LIPI: variants seen among roughly 807,000 people sequenced by gnomAD.
LIPI encodes lipase member I.
LIPI carries 59 observed loss-of-function variants against 50.6 expected under a neutral mutation model. The observed-to-expected ratio is 1.16, with a 90% CI of 0.94 to 1.45. LIPI has a LOEUF of 1.45. Ranked by LOEUF, LIPI falls within the 40% of genes most tolerant of loss-of-function variation. The pLI is 0.00. For missense variants in LIPI, 586 were observed against 536.3 expected (o/e 1.09, Z -0.92); for synonymous variants, 203 against 178.2 (o/e 1.14, Z -1.11).
chr21:14,135,743 A>C (rs2017473377), intron 9 of LIPI, among the ~76,000 whole-genome samples: 1 of 152,176 alleles, frequency 6.6e-6, no homozygotes. Flanking sequence ...TCAGGACTGC[A>C]ACTTGTAGGT....
At chr21:14,177,740 T>C (rs917628471) in intron 4 of LIPI, among the ~76,000 whole-genome samples, 3 of 152,128 alleles carry the variant, frequency 2.0e-5, no homozygotes, top group African/African-American at 7.2e-5. Context: ...TTTAATTTTC[T>C]ATATTTCAAG....
intron 1 of LIPI, among the ~76,000 whole-genome samples, chr21:14,199,231 C>A (rs1049962542): frequency 6.6e-6 from 1 of 151,340 alleles, no homozygotes. Context: ...GCAGAGACAA[C>A]AAATAACCAA....
chr21:14,210,244 AT>A (rs2123368543), intron 1 of LIPI, among the ~76,000 whole-genome samples: 1 of 147,360 alleles, frequency 6.8e-6, no homozygotes, highest in South Asian at 2.2e-4. Context: ...TACTCTTAAT[AT>A]TGATAAACTT....
intron 8 of LIPI, among the ~76,000 whole-genome samples, chr21:14,146,793 T>TTTC (rs2017923028): frequency 7.6e-6 from 1 of 130,948 alleles, no homozygotes; most frequent in African/African-American, 2.9e-5. Flanking sequence ...TTTTTTTTTT[T>TTTC]TTTTTGAGAT....
intron 1 of LIPI, among the ~76,000 whole-genome samples, chr21:14,201,310 C>T (rs1369760098): frequency 6.6e-6 from 1 of 152,050 alleles, no homozygotes; most frequent in African/African-American, 2.4e-5. Context: ...TAACTATCAA[C>T]AGACTAAACA....
At chr21:14,129,952 C>T (rs915867545) in intron 9 of LIPI, among the ~76,000 whole-genome samples, 1 of 152,102 alleles carries the variant, frequency 6.6e-6, no homozygotes, top group Non-Finnish European at 1.5e-5. Context: ...TTATTTGTAT[C>T]ACTTCTCAAC....
At chr21:14,209,402 A>G (rs906989976) in intron 1 of LIPI, among the ~76,000 whole-genome samples, 1 of 152,202 alleles carries the variant, frequency 6.6e-6, no homozygotes, top group Non-Finnish European at 1.5e-5. Flanking sequence ...AGAAAGGAGC[A>G]TGTGTAATAA....
intron 1 of LIPI, among the ~76,000 whole-genome samples, chr21:14,189,744 C>T (rs538172860): frequency 2.0e-5 from 3 of 152,108 alleles, no homozygotes; most frequent in African/African-American, 7.2e-5. Flanking sequence ...AAAGTTGATA[C>T]ATTGATTATA....
At chr21:14,178,974 G>GA (rs2019182000) in intron 4 of LIPI, among the ~76,000 whole-genome samples, 2 of 152,124 alleles carry the variant, frequency 1.3e-5, no homozygotes. Flanking sequence ...ATAACGAGAA[G>GA]CTTTCTGCAG....
intron 4 of LIPI, among the ~76,000 whole-genome samples, chr21:14,178,545 T>C (rs2019168348): frequency 6.6e-6 from 1 of 152,194 alleles, no homozygotes; most frequent in Non-Finnish European, 1.5e-5. Context: ...ATTATTTTTG[T>C]CAAATATAAT....
intron 1 of LIPI, among the ~76,000 whole-genome samples, chr21:14,203,324 C>T (rs2020125014): frequency 6.6e-6 from 1 of 152,048 alleles, no homozygotes; most frequent in African/African-American, 2.4e-5. Context: ...CCCAGCAATC[C>T]CATTACTGGG....
rs565649489 is a variant in LIPI, at chr21:14,146,921, G to A, written c.1119-2122C>T. ...AGCTTCCTGAGCAGCTGGGACTACA[G>A]GCACACGCCACCACACCCAGCTAAT... On this transcript the variant is annotated intron_variant, in intron 8 of 9. Transcript: ENST00000681601. Among the ~76,000 whole-genome samples, 4 of 151,774 alleles carry A rather than the reference G, an allele frequency of 2.6e-5. No homozygotes were observed. The South Asian group carries it at 8.4e-4, about 32-fold the overall frequency.
At chr21:14,141,222 C>T (rs1341237764) in intron 9 of LIPI, among the ~76,000 whole-genome samples, 1 of 152,030 alleles carries the variant, frequency 6.6e-6, no homozygotes, top group African/African-American at 2.4e-5. Context: ...TCTTCAGCAA[C>T]ATTAGGTATC....
In LIPI at chr21:14,165,517, A is replaced by G. The variant is rs889699322; in HGVS notation, c.734-127T>C. On this transcript the variant is annotated intron_variant, in intron 5 of 9. Transcript: ENST00000681601. ...CCTTATGAATATTACTGACTATAAT[A>G]CACAGTTTTATGTCAAACCACTAAA... is the stretch of plus-strand genomic sequence containing the variant. The G allele has an allele frequency of 9.0e-6, 6 of 663,160 alleles. No individual in the cohort carries two copies. The African/African-American group carries it at 1.1e-4, about 12-fold the overall frequency. The allele number at this position is 663,160 out of a possible 1,614,324, so 41.1% of individuals were successfully genotyped here.
At chr21:14,132,403 A>G (rs2017331108) in intron 9 of LIPI, among the ~76,000 whole-genome samples, 1 of 152,224 alleles carries the variant, frequency 6.6e-6, no homozygotes, top group African/African-American at 2.4e-5. Flanking sequence ...TAATTGAATG[A>G]CATTTTCAAA....
intron 9 of LIPI, among the ~76,000 whole-genome samples, chr21:14,115,941 G>T (rs1473934448): frequency 1.3e-5 from 2 of 152,170 alleles, no homozygotes; most frequent in Non-Finnish European, 2.9e-5. Flanking sequence ...TGGGCTGGAA[G>T]AGTGGCAAGT....
At chr21:14,120,352 A>T (rs1465209007) in intron 9 of LIPI, among the ~76,000 whole-genome samples, 1 of 152,210 alleles carries the variant, frequency 6.6e-6, no homozygotes, top group African/African-American at 2.4e-5. Context: ...GCAAAGAGAA[A>T]GTCAGCGAAT....
Position 14,170,219 on chromosome 21 carries a change from T to C in LIPI, c.644-3768A>G, listed in dbSNP as rs539553479. Among the ~76,000 whole-genome samples, 25 of 152,244 alleles carry C rather than the reference T, an allele frequency of 1.6e-4. No homozygotes were observed. The South Asian group carries it at 5.2e-3, about 32-fold the overall frequency. On this transcript the variant is annotated intron_variant, in intron 4 of 9. Coordinates refer to ENST00000681601, the MANE Select transcript of LIPI (RefSeq NM_001302998.2). Reference sequence around the variant, plus strand: ...ACAGGCTCTGAAGTTGTGGCAATAATCAATAGCTTACCAACCAAAAAGAGT... The same window carrying C: ...ACAGGCTCTGAAGTTGTGGCAATAACCAATAGCTTACCAACCAAAAAGAGT...
At chr21:14,198,412 G>A (rs561168275) in intron 1 of LIPI, among the ~76,000 whole-genome samples, 81 of 152,084 alleles carry the variant, frequency 5.3e-4, no homozygotes, top group South Asian at 2.5e-3. Context: ...TCAAAATAAA[G>A]GGATGGAGAA....
Sources: allele counts gnomAD v4.1 joint callset (sites outside exome capture counted in the v4.1 genomes callset), GRCh38; gene constraint gnomAD v4.1.1; transcripts MANE v1.5; gene names NCBI Gene and HGNC (gene_info 2026-07-23, HGNC 2026-07-21).